Variants in TMEM63C observed in about 807,000 individuals in gnomAD.
TMEM63C encodes transmembrane protein 63C.
A neutral mutation model predicts 99.2 loss-of-function variants in TMEM63C; 32 were observed. The ratio of observed to expected loss-of-function variants is 0.32; its 90% CI spans 0.24 to 0.43. TMEM63C has a LOEUF of 0.43. Among genes scored for constraint, TMEM63C ranks in the 20% least tolerant of loss-of-function variants. The pLI, the probability that TMEM63C is intolerant of heterozygous loss-of-function variation, is 1.00. For synonymous variants in TMEM63C, 376 were observed against 397.9 expected (o/e 0.94, Z 0.66); for missense variants, 826 against 1,053.0 (o/e 0.78, Z 2.98).
chr14:77,212,073 T>C (rs2140103818), intron 1 of TMEM63C, among the ~76,000 whole-genome samples: 1 of 151,178 alleles, frequency 6.6e-6, no homozygotes, highest in East Asian at 2.0e-4. Context: ...GTGTAGGGAC[T>C]GTGCAGTCTG....
At chr14:77,254,990 C>A (rs900242218) in intron 23 of TMEM63C, among the ~76,000 whole-genome samples, 8 of 152,124 alleles carry the variant, frequency 5.3e-5, no homozygotes, top group Non-Finnish European at 8.8e-5. Context: ...TGTTTTATAA[C>A]CTTTTTTTGT....
At chr14:77,224,729 T>C (rs1241057517) in intron 5 of TMEM63C, among the ~76,000 whole-genome samples, 1 of 152,106 alleles carries the variant, frequency 6.6e-6, no homozygotes. Flanking sequence ...GCATCAAAGA[T>C]GCCACCAAAC....
chr14:77,203,954 C>T (rs1297862097), intron 1 of TMEM63C, among the ~76,000 whole-genome samples: 3 of 152,244 alleles, frequency 2.0e-5, no homozygotes, highest in African/African-American at 7.2e-5. Flanking sequence ...ATGGCTGCTT[C>T]ACCTCCTTCT....
At chr14:77,184,022 C>T (rs1887956124) in intron 1 of TMEM63C, among the ~76,000 whole-genome samples, 1 of 152,184 alleles carries the variant, frequency 6.6e-6, no homozygotes. Context: ...CTGCCCTCAG[C>T]ATCTCTACCT....
chr14:77,225,731 A>G (rs1888808917), intron 6 of TMEM63C, among the ~76,000 whole-genome samples: 2 of 152,160 alleles, frequency 1.3e-5, no homozygotes, highest in Admixed American at 6.5e-5. Flanking sequence ...TCGCGTGCTT[A>G]TAGAAATGCT....
Position 77,242,975 on chromosome 14 carries a change from C to T in TMEM63C, c.1260C>T (p.Leu420=). ...CAATCAACACCTTCCTCTTCTTCCTCTTCTTCTTTCTCACCACGCCTGCCA... is the reference window on the plus strand; with the variant it reads ...CAATCAACACCTTCCTCTTCTTCCTTTTCTTCTTTCTCACCACGCCTGCCA... ...FIAINTFLFF[L]FFFLTTPAII... is the part of the protein sequence containing the mutation. The change falls in exon 15 of 24, where the codon CTC becomes CTT. Residue 420 remains leucine, a synonymous_variant. Coordinates refer to ENST00000298351, the MANE Select transcript of TMEM63C (RefSeq NM_020431.4). 6.2e-6 allele frequency: 10 copies of T among 1,614,018 alleles called. No individual in the cohort carries two copies. Among genetic ancestry groups the T allele is most frequent in the Non-Finnish European group, 7.6e-6 (9 of 1,179,894 alleles).
At chr14:77,195,562 C>T (rs1007505813) in intron 1 of TMEM63C, among the ~76,000 whole-genome samples, 1 of 152,196 alleles carries the variant, frequency 6.6e-6, no homozygotes, top group Admixed American at 6.5e-5. Flanking sequence ...TGCATTTTAG[C>T]AAACCCTCCC....
intron 2 of TMEM63C, 33 bp from the exon 3 acceptor site, chr14:77,218,768 T>C (rs771583070): frequency 3.7e-6 from 6 of 1,607,158 alleles, no homozygotes; most frequent in Non-Finnish European, 5.1e-6. Flanking sequence ...AAGGGAGTCT[T>C]TGCATCTGAC....
intron 1 of TMEM63C, among the ~76,000 whole-genome samples, chr14:77,199,752 G>A (rs1355039916): frequency 1.3e-5 from 2 of 152,122 alleles, no homozygotes; most frequent in African/African-American, 2.4e-5. Flanking sequence ...CTCCGGGCAG[G>A]GCCTGGACTC....
At chr14:77,202,772 C>T (rs1194678981) in intron 1 of TMEM63C, among the ~76,000 whole-genome samples, 2 of 151,964 alleles carry the variant, frequency 1.3e-5, no homozygotes, top group East Asian at 3.9e-4. Context: ...TACTGTTCAA[C>T]CCAGTAGCGC....
intron 2 of TMEM63C, chr14:77,213,739 G>T (rs1357540961): frequency 6.6e-6 from 1 of 152,358 alleles, no homozygotes; most frequent in Admixed American, 6.5e-5. Flanking sequence ...TGCCGTTGAA[G>T]TGTACTGTGT....
intron 1 of TMEM63C, among the ~76,000 whole-genome samples, chr14:77,199,494 ACT>A (rs991228022): frequency 1.7e-4 from 26 of 151,076 alleles, no homozygotes; most frequent in African/African-American, 6.3e-4. Flanking sequence ...AGAACAGTCC[ACT>A]CTCTGTTTCC....
intron 12 of TMEM63C, among the ~76,000 whole-genome samples, chr14:77,239,941 T>C (rs756143013): frequency 6.6e-6 from 1 of 152,176 alleles, no homozygotes; most frequent in East Asian, 1.9e-4. Context: ...CCAGGGAAGC[T>C]TGCTGCTGTC....
chr14:77,194,752 T>C (rs1246276928), intron 1 of TMEM63C, among the ~76,000 whole-genome samples: 2 of 150,744 alleles, frequency 1.3e-5, no homozygotes, highest in Non-Finnish European at 2.9e-5. Flanking sequence ...TTTTTTTTTT[T>C]TGTACTTTTT....
chr14:77,243,129 G>C (rs555698216), intron 15 of TMEM63C, 73 bp downstream of exon 15: 6 of 1,571,430 alleles, frequency 3.8e-6, no homozygotes, highest in East Asian at 2.3e-5. Flanking sequence ...GGATGGGATG[G>C]GGGGAGCCCC....
At chr14:77,240,354 G>A (rs1158268901) in intron 12 of TMEM63C, 121 bp from the exon 13 acceptor site, 2 of 1,195,218 alleles carry the variant, frequency 1.7e-6, no homozygotes, top group African/African-American at 1.5e-5. Context: ...AGGGTCCTGG[G>A]CTCCTTGAGG....
intron 4 of TMEM63C, 48 bp downstream of exon 4, chr14:77,219,625 C>T (rs772203113): frequency 8.8e-6 from 14 of 1,594,992 alleles, no homozygotes; most frequent in South Asian, 2.2e-5. Context: ...TGGGGAAAAC[C>T]TGTTGCCATG....
chr14:77,202,089 T>G (rs993747094), intron 1 of TMEM63C, among the ~76,000 whole-genome samples: 5 of 152,206 alleles, frequency 3.3e-5, no homozygotes, highest in East Asian at 1.9e-4. Context: ...ATGACACAAC[T>G]AAGGGAGACC....
chr14:77,201,348 A>G (rs977278662), intron 1 of TMEM63C, among the ~76,000 whole-genome samples: 11 of 152,160 alleles, frequency 7.2e-5, no homozygotes, highest in African/African-American at 2.7e-4. Context: ...CTGGACTGTA[A>G]TTTGCTGAAT....
Sources: allele counts gnomAD v4.1 joint callset (sites outside exome capture counted in the v4.1 genomes callset), GRCh38; gene constraint gnomAD v4.1.1; transcripts MANE v1.5; gene names NCBI Gene and HGNC (gene_info 2026-07-23, HGNC 2026-07-21).